The following MAPT variants were observed in gnomAD, a reference collection of about 807,000 sequenced individuals.
MAPT encodes the protein microtubule associated protein tau.
MAPT carries 34 observed loss-of-function variants against 67.9 expected under a neutral mutation model. The observed-to-expected ratio is 0.50, with a 90% CI of 0.38 to 0.67. The LOEUF is 0.67. MAPT is among the 30% of genes least tolerant of loss of function. The pLI, the probability that MAPT is intolerant of heterozygous loss-of-function variation, is 0.00. For missense variants in MAPT, 881 were observed against 1,115.2 expected (o/e 0.79, Z 2.99); for synonymous variants, 456 against 464.5 (o/e 0.98, Z 0.23).
intron 2 of MAPT, among the ~76,000 whole-genome samples, chr17:45,964,853 C>G (rs2070872693): frequency 6.6e-6 from 1 of 152,086 alleles, no homozygotes; most frequent in Non-Finnish European, 1.5e-5. Flanking sequence ...CCTCTCCATC[C>G]CACAACACTG....
intron 1 of MAPT, among the ~76,000 whole-genome samples, chr17:45,914,939 G>A (rs55933304): frequency 0.14 from 21,742 of 151,680 alleles, 2,113 homozygotes; most frequent in Middle Eastern, 0.22. Context: ...CTGGTCTCAA[G>A]CTCCTGGACT....
At chr17:45,957,022 A>C (rs1363613485) in intron 1 of MAPT, among the ~76,000 whole-genome samples, 1 of 152,142 alleles carries the variant, frequency 6.6e-6, no homozygotes, top group South Asian at 2.1e-4. Flanking sequence ...GTTGGTTCCA[A>C]GTCTTTGCTA....
chr17:46,014,489 C>T (rs1384380751), intron 11 of MAPT, among the ~76,000 whole-genome samples, 165 bp downstream of exon 11: 2 of 152,150 alleles, frequency 1.3e-5, no homozygotes, highest in African/African-American at 4.8e-5. Context: ...GCCCAGGAGG[C>T]GTGGTGGCTC....
chr17:45,984,548 CAGAG>C (rs2073351149), intron 5 of MAPT, among the ~76,000 whole-genome samples: 1 of 152,228 alleles, frequency 6.6e-6, no homozygotes, highest in Admixed American at 6.5e-5. Flanking sequence ...ACACAGCATC[CAGAG>C]GTGGCCCAGA....
chr17:46,005,085 GA>G (rs1478690890), intron 9 of MAPT, among the ~76,000 whole-genome samples: 1 of 152,066 alleles, frequency 6.6e-6, no homozygotes, highest in Non-Finnish European at 1.5e-5. Context: ...TGCCCGGCCA[GA>G]AAAAAACATT....
chr17:45,989,684 T>C (rs887997588), intron 6 of MAPT, among the ~76,000 whole-genome samples, 194 bp from the exon 7 acceptor site: 6 of 152,114 alleles, frequency 3.9e-5, no homozygotes, highest in Non-Finnish European at 5.9e-5. Flanking sequence ...AGAACTGTGA[T>C]TGGGGAGGAC....
In MAPT at chr17:45,912,421, A is replaced by G. The variant is rs190828368; in HGVS notation, c.-18+17735A>G. Among the ~76,000 whole-genome samples the G allele has an allele frequency of 3.6e-4, 55 of 152,302 alleles. 1 individual carries two copies. Among genetic ancestry groups the G allele is most frequent in the African/African-American group, 1.3e-3 (52 of 41,548 alleles). ...CACACTCATCCTTGTAAGAGGAAGG[A>G]AGAGAGAGATGGAAAACACAGAAGA... On this transcript the variant is annotated intron_variant, in intron 1 of 12. Transcript: ENST00000262410.
chr17:45,939,039 C>G (rs908392050), intron 1 of MAPT, among the ~76,000 whole-genome samples: 1 of 152,138 alleles, frequency 6.6e-6, no homozygotes, highest in Non-Finnish European at 1.5e-5. Flanking sequence ...GTCTCAAACT[C>G]CTGATCTCAA....
intron 2 of MAPT, among the ~76,000 whole-genome samples, chr17:45,967,640 T>G (rs1339076917): frequency 6.6e-6 from 1 of 152,114 alleles, no homozygotes; most frequent in African/African-American, 2.4e-5. Flanking sequence ...GATCTCACAG[T>G]GGAACTCCAC....
intron 1 of MAPT, among the ~76,000 whole-genome samples, chr17:45,923,390 A>G (rs1427203533): frequency 1.3e-5 from 2 of 151,928 alleles, no homozygotes; most frequent in Admixed American, 6.6e-5. Context: ...CATAGGGTTG[A>G]CTCCTAACTC....
At chr17:46,004,128 G>A (rs2075242218) in intron 9 of MAPT, among the ~76,000 whole-genome samples, 1 of 152,216 alleles carries the variant, frequency 6.6e-6, no homozygotes, top group Admixed American at 6.5e-5. Context: ...GCACAGCACA[G>A]CGAGCACCAG....
chr17:46,020,551 C>T (rs903821467), intron 12 of MAPT, among the ~76,000 whole-genome samples: 1 of 152,104 alleles, frequency 6.6e-6, no homozygotes, highest in Non-Finnish European at 1.5e-5. Context: ...GAAGACATAC[C>T]CGATACTGGG....
At chr17:45,947,845 C>T (rs1431240061) in intron 1 of MAPT, among the ~76,000 whole-genome samples, 1 of 152,076 alleles carries the variant, frequency 6.6e-6, no homozygotes, top group African/African-American at 2.4e-5. Context: ...CTAAAAAATA[C>T]TGTTTATTTT....
chr17:46,020,531 C>T (rs774958506), intron 12 of MAPT, among the ~76,000 whole-genome samples: 11 of 152,124 alleles, frequency 7.2e-5, no homozygotes, highest in South Asian at 2.1e-4. Context: ...TCCGTTTTCA[C>T]GCCGCTGATG....
chr17:46,017,440 A>ATTTTTTTCTTTTTT (rs2076258918), intron 11 of MAPT, among the ~76,000 whole-genome samples: 1 of 63,008 alleles, frequency 1.6e-5, no homozygotes, highest in Non-Finnish European at 2.9e-5. Flanking sequence ...TGCCTGGCTA[A>ATTTTTTTCTTTTTT]TTTTTTTTTT....
intron 2 of MAPT, among the ~76,000 whole-genome samples, chr17:45,963,810 G>T (rs1376542394): frequency 6.6e-6 from 1 of 152,134 alleles, no homozygotes; most frequent in Non-Finnish European, 1.5e-5. Context: ...ACAGGGAGTG[G>T]CCATCCCAGC....
At chr17:45,921,897 G>A (rs1375062615) in intron 1 of MAPT, among the ~76,000 whole-genome samples, 1 of 152,130 alleles carries the variant, frequency 6.6e-6, no homozygotes, top group Non-Finnish European at 1.5e-5. Context: ...CTAGAAGACT[G>A]CCCTTAGCGA....
In MAPT at chr17:45,962,447, G is replaced by C. The variant is rs966689443; in HGVS notation, c.110G>C (p.Gly37Ala). Residue 37 changes from glycine (G) to alanine (A), a missense_variant, in exon 2 of 13, where the codon GGT becomes GCT. Physicochemically the swap from Gly to Ala is moderately conservative, Grantham distance 60. Coordinates refer to ENST00000262410, the MANE Select transcript of MAPT (RefSeq NM_001377265.1). ...GGYTMHQDQEGDTDAGLKESP... is the reference protein window; with the variant it reads ...GGYTMHQDQEADTDAGLKESP... ...TACACCATGCACCAAGACCAAGAGGGTGACACGGACGCTGGCCTGAAAGGT... is the reference window on the plus strand; with the variant it reads ...TACACCATGCACCAAGACCAAGAGGCTGACACGGACGCTGGCCTGAAAGGT... 2.8e-5 allele frequency: 45 copies of C among 1,612,756 alleles called. No individual in the cohort carries two copies. Among genetic ancestry groups the C allele is most frequent in the African/African-American group, 4.0e-5 (3 of 74,880 alleles).
chr17:45,956,577 TATATATATATATATATATA>T (rs1568230714), intron 1 of MAPT, among the ~76,000 whole-genome samples: 1 of 6,282 alleles, frequency 1.6e-4, no homozygotes, highest in African/African-American at 1.9e-4. Context: ...TATATATATA[TATATATATATATATATATA>T]TATATTTTTT....
Sources: gnomAD v4.1 joint callset for allele counts (sites outside exome capture counted in the v4.1 genomes callset) on GRCh38, gnomAD v4.1.1 for gene constraint, MANE v1.5 for transcripts, NCBI Gene and HGNC (gene_info 2026-07-23, HGNC 2026-07-21) for gene names.